The following OARD1 variants were observed in gnomAD, a reference collection of about 807,000 sequenced individuals.
OARD1 encodes the protein O-acyl-ADP-ribose deacylase 1, also known as ADP-ribose glycohydrolase OARD1.
Under a neutral mutation model 19.7 loss-of-function variants are expected in OARD1, and 19 were observed. That is an observed-to-expected ratio of 0.96 (90% confidence interval 0.67 to 1.41). The LOEUF is 1.41. OARD1 is among the 40% of genes most tolerant of loss of function. The pLI, the probability that OARD1 is intolerant of heterozygous loss-of-function variation, is 0.00. For missense variants in OARD1, 190 were observed against 183.8 expected (o/e 1.03, Z -0.20); for synonymous variants, 70 against 61.8 (o/e 1.13, Z -0.62).
rs182671713 is a variant in OARD1 at position 41,084,485 on chromosome 6, G to A, written c.-41-12810C>T. On this transcript the variant is annotated intron_variant, in intron 1 of 4. Transcript: ENST00000480585. ...TTTATTTTAAAAGAAACAAAAATGA[G>A]TATTTAGAAAGTTAGAAAAATAACA... 4.4e-3 allele frequency among the ~76,000 whole-genome samples: 673 copies of A among 152,280 alleles called. 11 individuals carry two copies. The South Asian group carries it at 0.06, about 14-fold the overall frequency.
At chr6:41,093,541 G>A (rs1764254633) in intron 1 of OARD1, among the ~76,000 whole-genome samples, 1 of 151,526 alleles carries the variant, frequency 6.6e-6, no homozygotes, top group Admixed American at 6.6e-5. Flanking sequence ...CACAATCTCA[G>A]CTCACTGCAA....
At chr6:41,088,045 A>T (rs916309031) in intron 1 of OARD1, among the ~76,000 whole-genome samples, 2 of 152,242 alleles carry the variant, frequency 1.3e-5, no homozygotes, top group Admixed American at 1.3e-4. Context: ...TTGGAAACTA[A>T]TAGGAGGAAT....
At chr6:41,097,529 C>A in intron 1 of OARD1, 1 of 1,045,750 alleles carries the variant, frequency 9.6e-7, no homozygotes, top group East Asian at 2.5e-5. Context: ...GGACAGAAAC[C>A]ACTTAGTTTT....
Position 41,067,336 on chromosome 6 carries a change from C to A in OARD1, c.458G>T (p.Ter153LeuextTer28). 6.3e-7 allele frequency: 1 copy of A among 1,593,636 alleles called. No individual in the cohort carries two copies. Among genetic ancestry groups the A allele is most frequent in the South Asian group, 1.1e-5 (1 of 90,538 alleles). The change falls in exon 6 of 6, where the codon TGA (stop) becomes TTA (leucine). Residue 153 changes from the stop codon to leucine (L), a stop_lost. Transcript: ENST00000424266. The part of the protein sequence containing the change: ...TDIKITVYTL[*>L] Reference sequence around the variant, plus strand: ...GAAACATCCAAAATGTTCACTGGTTCAGAGTGTGTACACAGTAATTTTGAT... The same window carrying A: ...GAAACATCCAAAATGTTCACTGGTTAAGAGTGTGTACACAGTAATTTTGAT...
At chr6:41,096,130 T>C (rs1024334385) in intron 1 of OARD1, among the ~76,000 whole-genome samples, 1 of 152,250 alleles carries the variant, frequency 6.6e-6, no homozygotes, top group Admixed American at 6.5e-5. Flanking sequence ...GGATGCATGC[T>C]ATTAATAGTT....
intron 1 of OARD1, among the ~76,000 whole-genome samples, chr6:41,094,852 G>A (rs113096631): frequency 6.6e-5 from 10 of 152,226 alleles, no homozygotes; most frequent in South Asian, 2.1e-4. Context: ...GATGCTCTTC[G>A]TCTTTGTCAC....
intron 1 of OARD1, among the ~76,000 whole-genome samples, chr6:41,094,240 T>C (rs1176941163): frequency 6.6e-6 from 1 of 152,218 alleles, no homozygotes; most frequent in African/African-American, 2.4e-5. Flanking sequence ...TACTAGGTGT[T>C]TTCTCCAAAG....
chr6:41,088,295 CG>C (rs1326892546), intron 1 of OARD1, among the ~76,000 whole-genome samples: 1 of 151,514 alleles, frequency 6.6e-6, no homozygotes, highest in Non-Finnish European at 1.5e-5. Context: ...TGATGGCGGA[CG>C]CCTGTAGTCC....
At chr6:41,073,810 C>T (rs571770933), upstream of OARD1, among the ~76,000 whole-genome samples, 83 of 152,296 alleles carry the variant, frequency 5.4e-4, no homozygotes, top group African/African-American at 1.8e-3. Flanking sequence ...CCGCTCCGCC[C>T]GGGTCTCCGG....
At chr6:41,071,996 C>G (rs1340987424) in intron 1 of OARD1, among the ~76,000 whole-genome samples, 1 of 152,254 alleles carries the variant, frequency 6.6e-6, no homozygotes, top group African/African-American at 2.4e-5. Flanking sequence ...AGGACGGTCT[C>G]CTTTTCTCTG....
Position 41,092,184 on chromosome 6 carries a change from TAAGA to T in OARD1, c.-42+5525_-42+5528del, listed in dbSNP as rs1271565854. Among the ~76,000 whole-genome samples, 1,358 of 152,146 alleles carry T rather than the reference TAAGA, an allele frequency of 8.9e-3. 22 individuals carry two copies. The highest frequency in any genetic ancestry group is 0.031 in the African/African-American group (1,270 of 41,500). On this transcript the variant is annotated intron_variant, in intron 1 of 4. Transcript: ENST00000480585. ...AAATAGGATGTTAAAATGCATAAAT[TAAGA>T]ATGAGTAACAGAAGTCTGCACAGAG...
chr6:41,079,469 CTT>C (rs1332186371), intron 1 of OARD1, among the ~76,000 whole-genome samples: 1 of 152,166 alleles, frequency 6.6e-6, no homozygotes, highest in Non-Finnish European at 1.5e-5. Flanking sequence ...TTTTTCTCTT[CTT>C]GTTTGAGCTA....
chr6:41,085,752 A>AT (rs3840128), intron 1 of OARD1, among the ~76,000 whole-genome samples: 2,739 of 146,242 alleles, frequency 0.019, 32 homozygotes, highest in Non-Finnish European at 0.027. Flanking sequence ...TTGTGTTTTC[A>AT]TTTTTTTTTT....
rs375345037 is a variant in OARD1, at chr6:41,081,418, A to G, written c.-41-9743T>C. ...AGCAGGAGAATGGCGTGAACCCAGG[A>G]GGCAGAGCTTGCAGTGAGCAGAGAT... On this transcript the variant is annotated intron_variant, in intron 1 of 4. Coordinates refer to the OARD1 transcript ENST00000480585. Among the ~76,000 whole-genome samples, 612 of 152,052 alleles carry G rather than the reference A, an allele frequency of 4.0e-3. 11 individuals carry two copies. In the South Asian group the frequency reaches 0.061, roughly 15 times the overall value.
At chr6:41,089,947 G>A (rs1351665359) in intron 1 of OARD1, among the ~76,000 whole-genome samples, 1 of 151,896 alleles carries the variant, frequency 6.6e-6, no homozygotes, top group African/African-American at 2.4e-5. Context: ...GTGAAGCCCC[G>A]TCAAAATACA....
chr6:41,083,989 G>T, intron 1 of OARD1: 2 of 1,493,108 alleles, frequency 1.3e-6, no homozygotes, highest in South Asian at 2.7e-5. Context: ...TTGTCTTTTG[G>T]TAAAAACCAT....
At chr6:41,075,330 A>G (rs1763704830), upstream of OARD1, 1 of 152,256 alleles carries the variant, frequency 6.6e-6, no homozygotes, top group Non-Finnish European at 1.5e-5. Flanking sequence ...GATTACAGGC[A>G]TGAGCCACTG....
intron 1 of OARD1, among the ~76,000 whole-genome samples, chr6:41,087,158 A>G (rs949960065): frequency 3.2e-4 from 48 of 152,242 alleles, no homozygotes; most frequent in Admixed American, 2.6e-3. Context: ...CTAACAGCCA[A>G]TATAAACTTA....
chr6:41,067,831 G>A (rs1763102690), intron 5 of OARD1, among the ~76,000 whole-genome samples: 1 of 152,164 alleles, frequency 6.6e-6, no homozygotes, highest in Non-Finnish European at 1.5e-5. Context: ...ACGAAAGTAA[G>A]GAGAAGAGGA....
Sources: gnomAD v4.1 joint callset for allele counts (sites outside exome capture counted in the v4.1 genomes callset) on GRCh38, gnomAD v4.1.1 for gene constraint, MANE v1.5 for transcripts, NCBI Gene and HGNC (gene_info 2026-07-23, HGNC 2026-07-21) for gene names.